The following SPIDR variants were observed in gnomAD, a reference collection of about 807,000 sequenced individuals.
The protein encoded by SPIDR is scaffold protein involved in DNA repair, also known as DNA repair-scaffolding protein.
In SPIDR, 93 loss-of-function variants were observed where a neutral mutation model predicts 104.6. The observed-to-expected ratio is 0.89, with a 90% CI of 0.75 to 1.06. The LOEUF (loss-of-function observed/expected upper bound fraction) is 1.06, where lower values mean the gene tolerates loss of function less well. SPIDR is among the 50% of genes least tolerant of loss of function. SPIDR has a pLI of 0.00. For synonymous variants in SPIDR, 431 were observed against 416.9 expected, an observed-to-expected ratio of 1.03 and a Z score of -0.41; for missense variants, 1,154 against 1,111.2, an observed-to-expected ratio of 1.04 and a Z score of -0.55.
intron 8 of SPIDR, among the ~76,000 whole-genome samples, chr8:47,463,892 A>G (rs1168675694): frequency 6.6e-6 from 1 of 152,190 alleles, no homozygotes; most frequent in Non-Finnish European, 1.5e-5. Context: ...TGAAAAACCC[A>G]TAGCTAACAT....
chr8:47,575,440 G>A (rs371561938), intron 8 of SPIDR, among the ~76,000 whole-genome samples: 1 of 151,332 alleles, frequency 6.6e-6, no homozygotes, highest in South Asian at 2.1e-4. Context: ...TCAGGAGATC[G>A]AGACCATCCT....
chr8:47,592,242 A>G, intron 8 of SPIDR: 1 of 1,304,230 alleles, frequency 7.7e-7, no homozygotes, highest in Non-Finnish European at 1.1e-6. Flanking sequence ...TCATTTGCTA[A>G]TGGATCGTCT....
intron 8 of SPIDR, among the ~76,000 whole-genome samples, chr8:47,541,814 G>T (rs1039358505): frequency 1.3e-5 from 2 of 152,006 alleles, no homozygotes; most frequent in African/African-American, 2.4e-5. Flanking sequence ...TGGGAGAATT[G>T]CTTGAACTCG....
At chr8:47,439,634 G>T (rs1168372999) in intron 7 of SPIDR, among the ~76,000 whole-genome samples, 1 of 152,192 alleles carries the variant, frequency 6.6e-6, no homozygotes, top group Non-Finnish European at 1.5e-5. Flanking sequence ...TATAGGCTAT[G>T]CACACTATCA....
intron 5 of SPIDR, among the ~76,000 whole-genome samples, chr8:47,372,957 G>A (rs1157076016): frequency 1.3e-5 from 2 of 152,138 alleles, no homozygotes; most frequent in Non-Finnish European, 2.9e-5. Flanking sequence ...CAGGGGTTAG[G>A]TACTGTGCTA....
chr8:47,416,905 T>C (rs569691854), intron 7 of SPIDR, among the ~76,000 whole-genome samples: 1 of 106,552 alleles, frequency 9.4e-6, no homozygotes, highest in African/African-American at 2.5e-5. Flanking sequence ...GATAATTTGC[T>C]GAGAGTGATG....
intron 8 of SPIDR, among the ~76,000 whole-genome samples, chr8:47,495,292 C>T (rs1564137214): frequency 1.3e-5 from 2 of 151,842 alleles, no homozygotes; most frequent in Non-Finnish European, 2.9e-5. Context: ...GGAATTTCAC[C>T]TCAGTCTTTG....
intron 6 of SPIDR, among the ~76,000 whole-genome samples, chr8:47,399,496 G>A (rs782764733): frequency 2.1e-4 from 32 of 152,228 alleles, no homozygotes; most frequent in Non-Finnish European, 3.7e-4. Flanking sequence ...GGATGAGAAC[G>A]GAGTTGTGGA....
At chr8:47,566,434 G>A (rs992705479) in intron 8 of SPIDR, among the ~76,000 whole-genome samples, 11 of 152,018 alleles carry the variant, frequency 7.2e-5, no homozygotes, top group Admixed American at 2.0e-4. Context: ...GCAGCTTTAA[G>A]TGAGTAGTCA....
chr8:47,462,706 G>A (rs2074141449), intron 8 of SPIDR, among the ~76,000 whole-genome samples: 1 of 152,032 alleles, frequency 6.6e-6, no homozygotes, highest in Non-Finnish European at 1.5e-5. Flanking sequence ...GCTAGCAGAA[G>A]GATGGAAAAA....
At chr8:47,577,857 C>A (rs1002111502) in intron 8 of SPIDR, among the ~76,000 whole-genome samples, 1 of 152,092 alleles carries the variant, frequency 6.6e-6, no homozygotes, top group Non-Finnish European at 1.5e-5. Context: ...GGAGGTGGGA[C>A]CCGGCAACCT....
chr8:47,485,632 ACAC>A (rs386725044), intron 8 of SPIDR, among the ~76,000 whole-genome samples: 21 of 152,176 alleles, frequency 1.4e-4, no homozygotes, highest in African/African-American at 4.8e-4. Flanking sequence ...CTAACACCTG[ACAC>A]TTCACCCCTC....
chr8:47,483,433 A>C (rs2077142586), intron 8 of SPIDR, among the ~76,000 whole-genome samples: 1 of 152,140 alleles, frequency 6.6e-6, no homozygotes, highest in Non-Finnish European at 1.5e-5. Context: ...TGGTTCTAAT[A>C]AGCCCTGAAG....
intron 8 of SPIDR, among the ~76,000 whole-genome samples, chr8:47,581,242 CCCCCA>C (rs1216222437): frequency 6.6e-6 from 1 of 152,094 alleles, no homozygotes; most frequent in Non-Finnish European, 1.5e-5. Flanking sequence ...TCTCAGCTAG[CCCCCA>C]CCCAGAGATC....
chr8:47,672,636 T>C (rs2075942187), intron 10 of SPIDR, among the ~76,000 whole-genome samples: 1 of 152,242 alleles, frequency 6.6e-6, no homozygotes, highest in Non-Finnish European at 1.5e-5. Context: ...GTTTCTTGTC[T>C]CCTATTCATA....
At chr8:47,441,442 G>C (rs1439845495) in intron 8 of SPIDR, among the ~76,000 whole-genome samples, 2 of 151,812 alleles carry the variant, frequency 1.3e-5, no homozygotes, top group Non-Finnish European at 2.9e-5. Flanking sequence ...TATGTCCATT[G>C]ATAGCTTTTG....
chr8:47,485,904 A>C (rs1352805245), intron 8 of SPIDR, among the ~76,000 whole-genome samples: 4 of 152,188 alleles, frequency 2.6e-5, no homozygotes, highest in Non-Finnish European at 5.9e-5. Flanking sequence ...TGGGGAAAAA[A>C]CAGAGCAGAA....
chr8:47,506,851 A>T (rs2081562001), intron 8 of SPIDR, among the ~76,000 whole-genome samples: 1 of 152,162 alleles, frequency 6.6e-6, no homozygotes, highest in South Asian at 2.1e-4. Flanking sequence ...ATTATGTAGC[A>T]GGCGGTCCCT....
chr8:47,588,307 A>T (rs1588110015), intron 8 of SPIDR, among the ~76,000 whole-genome samples: 2 of 148,468 alleles, frequency 1.3e-5, no homozygotes, highest in South Asian at 4.2e-4. Flanking sequence ...TCACACTGAC[A>T]TGGGTTATTT....
Sources: allele counts gnomAD v4.1 joint callset (sites outside exome capture counted in the v4.1 genomes callset), GRCh38; gene constraint gnomAD v4.1.1; transcripts MANE v1.5; gene names NCBI Gene and HGNC (gene_info 2026-07-23, HGNC 2026-07-21).